The following PCDH11Y variants were observed in gnomAD, a reference collection of about 807,000 sequenced individuals.
PCDH11Y encodes the protein protocadherin 11 Y-linked.
For missense variants in PCDH11Y, 12 were observed against 224.8 expected, an observed-to-expected ratio of 0.05 and a Z score of 6.05; for synonymous variants, 9 against 83.6, an observed-to-expected ratio of 0.11 and a Z score of 4.87.
At position 5,606,276 on chromosome Y, in the gene PCDH11Y, G is replaced by T; in HGVS notation, c.3352+24478G>T. 1.7e-4 allele frequency among the ~76,000 whole-genome samples: 3 copies of T among 18,100 alleles called. No homozygotes were observed. In the Admixed American group the frequency reaches 1.8e-3, roughly 11 times the overall value. 48.6% of individuals were successfully genotyped at this position (18,100 alleles called of 37,273 possible). Reference sequence around the variant, plus strand: ...GCTGGTGCGCTGCACCCACTAATGTGTCATCTAGCATTAGGTATATCTCCC... The same window carrying T: ...GCTGGTGCGCTGCACCCACTAATGTTTCATCTAGCATTAGGTATATCTCCC... On this transcript the variant is annotated intron_variant, in intron 4 of 4. Transcript: ENST00000400457.
downstream of PCDH11Y, among the ~76,000 whole-genome samples, chrY:5,110,083 A>G (rs2052801482): frequency 3.0e-5 from 1 of 33,625 alleles, no homozygotes; most frequent in Admixed American, 2.8e-4. Flanking sequence ...TACCAATTAT[A>G]TATTGATTTA....
At chrY:5,187,699 C>A in intron 2 of PCDH11Y, among the ~76,000 whole-genome samples, 1 of 32,830 alleles carries the variant, frequency 3.0e-5, no homozygotes, top group South Asian at 6.8e-4. Context: ...ACTGTGAAGA[C>A]CTCTGACATG....
At chrY:5,029,016 T>A in intron 1 of PCDH11Y, among the ~76,000 whole-genome samples, 2 of 32,589 alleles carry the variant, frequency 6.1e-5, no homozygotes, top group Non-Finnish European at 1.5e-4. Flanking sequence ...ATCAGAAATT[T>A]CAGAATTTTA....
chrY:5,477,032 A>C, intron 2 of PCDH11Y, among the ~76,000 whole-genome samples: 2 of 31,885 alleles, frequency 6.3e-5, no homozygotes, highest in South Asian at 7.1e-4. Flanking sequence ...TCAGCCTTCC[A>C]AAGTGCTGGG....
intron 3 of PCDH11Y, among the ~76,000 whole-genome samples, chrY:5,044,235 C>T (rs2052626617): frequency 3.1e-5 from 1 of 32,338 alleles, no homozygotes; most frequent in Admixed American, 2.9e-4. Context: ...CCTGCTTTCT[C>T]TTGTGGGCAT....
At chrY:5,073,127 G>A in intron 1 of PCDH11Y, among the ~76,000 whole-genome samples, 1 of 33,519 alleles carries the variant, frequency 3.0e-5, no homozygotes, top group East Asian at 7.9e-4. Flanking sequence ...GATTTCTCCA[G>A]TTCTGTAGTC....
intron 2 of PCDH11Y, among the ~76,000 whole-genome samples, chrY:5,326,425 T>C: frequency 6.2e-5 from 2 of 32,337 alleles, no homozygotes; most frequent in Admixed American, 2.9e-4. Flanking sequence ...TCCTTAAGGA[T>C]AGATTTCCAT....
intron 1 of PCDH11Y, among the ~76,000 whole-genome samples, chrY:5,018,766 T>G: frequency 3.2e-5 from 1 of 31,425 alleles, no homozygotes; most frequent in African/African-American, 1.2e-4. Context: ...TCCTTATTCT[T>G]TAATCATATC....
At chrY:5,209,557 G>A in intron 2 of PCDH11Y, among the ~76,000 whole-genome samples, 6 of 32,343 alleles carry the variant, frequency 1.9e-4, no homozygotes, top group African/African-American at 7.3e-4. Flanking sequence ...CTGCACACCC[G>A]CCACCACAAC....
chrY:5,104,230 A>AT, downstream of PCDH11Y: 1 of 338,503 alleles, frequency 3.0e-6, no homozygotes, highest in Non-Finnish European at 4.2e-6. Context: ...AGTAACTTTG[A>AT]TTCTGCATTT....
intron 2 of PCDH11Y, among the ~76,000 whole-genome samples, chrY:5,384,029 C>A (rs2053208294): frequency 3.0e-5 from 1 of 33,570 alleles, no homozygotes; most frequent in South Asian, 6.5e-4. Flanking sequence ...ACAAAAATAT[C>A]TTAATATCTC....
intron 2 of PCDH11Y, among the ~76,000 whole-genome samples, chrY:5,370,066 A>T: frequency 3.0e-5 from 1 of 32,854 alleles, no homozygotes; most frequent in Non-Finnish European, 7.5e-5. Flanking sequence ...AAGTATGTAT[A>T]CAATGGCTCT....
intron 2 of PCDH11Y, among the ~76,000 whole-genome samples, chrY:5,158,076 G>T (rs865942910): frequency 0.024 from 763 of 32,191 alleles, no homozygotes; most frequent in Middle Eastern, 0.19. Flanking sequence ...CAGACTAGGG[G>T]CACCTTATCC....
At chrY:5,598,341 A>G (rs1602948424) in intron 4 of PCDH11Y, among the ~76,000 whole-genome samples, 5,109 of 32,547 alleles carry the variant, frequency 0.16, no homozygotes, top group African/African-American at 0.6. Context: ...TAACATAAAT[A>G]TATAATACTG....
intron 4 of PCDH11Y, among the ~76,000 whole-genome samples, chrY:5,600,936 T>C: frequency 3.1e-5 from 1 of 32,777 alleles, no homozygotes; most frequent in African/African-American, 1.2e-4. Flanking sequence ...TAATAATGTG[T>C]ACACACCACT....
At chrY:5,277,565 A>G (rs2053045716) in intron 2 of PCDH11Y, among the ~76,000 whole-genome samples, 1 of 33,745 alleles carries the variant, frequency 3.0e-5, no homozygotes, top group Non-Finnish European at 7.4e-5. Flanking sequence ...TCAGTACGAA[A>G]AAAGATCTCT....
At chrY:5,476,430 TAAAAAAAAAAAAAAAA>T (rs1424925843) in intron 2 of PCDH11Y, among the ~76,000 whole-genome samples, 1 of 385 alleles carries the variant, frequency 2.6e-3, no homozygotes, top group Non-Finnish European at 6.1e-3. Flanking sequence ...GACCCTTTCT[TAAAAAAAAAAAAAAAA>T]AAAAAAAAAA....
intron 3 of PCDH11Y, among the ~76,000 whole-genome samples, chrY:5,542,800 A>C: frequency 1.9e-4 from 6 of 32,085 alleles, no homozygotes; most frequent in African/African-American, 7.3e-4. Flanking sequence ...ATATCATGAC[A>C]AATAATGGGC....
intron 2 of PCDH11Y, among the ~76,000 whole-genome samples, chrY:5,303,961 A>G: frequency 6.1e-5 from 2 of 32,902 alleles, no homozygotes; most frequent in African/African-American, 2.4e-4. Context: ...AGCTCCAGCA[A>G]GGCCCTGCTC....
Sources: allele counts gnomAD v4.1 joint callset (sites outside exome capture counted in the v4.1 genomes callset), GRCh38; gene constraint gnomAD v4.1.1; transcripts MANE v1.5; gene names NCBI Gene and HGNC (gene_info 2026-07-23, HGNC 2026-07-21).